WDFY3: variants seen among roughly 807,000 people sequenced by gnomAD.
The protein encoded by WDFY3 is WD repeat and FYVE domain-containing protein 3.
In WDFY3, 66 loss-of-function variants were observed where a neutral mutation model predicts 409.6. The observed-to-expected ratio is 0.16, with a 90% confidence interval of 0.13 to 0.20. The LOEUF (loss-of-function observed/expected upper bound fraction) is 0.20. Ranked by LOEUF, WDFY3 falls within the 10% of genes least tolerant of loss-of-function variation. WDFY3 has a pLI of 1.00. For synonymous variants in WDFY3, 1,521 were observed against 1,537.1 expected (o/e 0.99, Z 0.25); for missense variants, 3,031 against 4,298.1 (o/e 0.71, Z 8.24).
At chr4:84,758,809 T>C (rs1741931345) in intron 32 of WDFY3, among the ~76,000 whole-genome samples, 1 of 152,208 alleles carries the variant, frequency 6.6e-6, no homozygotes, top group Non-Finnish European at 1.5e-5. Context: ...ATTACTATTA[T>C]CATTTTTACA....
intron 33 of WDFY3, 148 bp from the exon 34 acceptor site, chr4:84,755,548 C>T (rs1741291573): frequency 1.2e-6 from 1 of 841,478 alleles, no homozygotes; most frequent in South Asian, 2.2e-5. Flanking sequence ...AACTAGTACC[C>T]TTCCATCCTA....
At position 84,787,585 on chromosome 4, in the gene WDFY3, T is replaced by C; in HGVS notation, c.3798A>G (p.Gly1266=). The C allele has an allele frequency of 6.2e-7, 1 of 1,614,106 alleles. No homozygotes were observed. Among genetic ancestry groups the C allele is most frequent in the Non-Finnish European group, 8.5e-7 (1 of 1,180,020 alleles). Residue 1266 remains glycine (G), a synonymous_variant, in exon 23 of 68, where the codon GGA becomes GGG. Coordinates refer to ENST00000295888, the MANE Select transcript of WDFY3 (RefSeq NM_014991.6). ...RQIASLVWRL[G]PTHFLEEVLP... ...AAACTTCTTCTAGAAAATGTGTGGG[T>C]CCCAGGCGCCAAACCAATGAGGCAA...
chr4:84,765,722 A>C, intron 32 of WDFY3, 88 bp downstream of exon 32: 2 of 1,118,394 alleles, frequency 1.8e-6, no homozygotes, highest in South Asian at 3.0e-5. Flanking sequence ...ATGGTGATCA[A>C]ACCGCAGAGG....
chr4:84,826,536 C>A (rs1339768745), intron 10 of WDFY3, among the ~76,000 whole-genome samples: 1 of 152,066 alleles, frequency 6.6e-6, no homozygotes, highest in Non-Finnish European at 1.5e-5. Context: ...TCAAAAGAAG[C>A]ATGTTTTGAT....
intron 1 of WDFY3, among the ~76,000 whole-genome samples, chr4:84,937,450 A>T (rs1047112986): frequency 6.6e-6 from 1 of 152,116 alleles, no homozygotes; most frequent in Non-Finnish European, 1.5e-5. Flanking sequence ...CTTTATCTAC[A>T]AAAATACTGA....
intron 30 of WDFY3, among the ~76,000 whole-genome samples, chr4:84,768,484 G>C (rs923741898): frequency 2.6e-5 from 4 of 152,088 alleles, no homozygotes; most frequent in African/African-American, 4.8e-5. Flanking sequence ...AAAATCCTAG[G>C]GCCCTAAGAA....
At chr4:84,679,993 C>A (rs541867728) in intron 64 of WDFY3, among the ~76,000 whole-genome samples, 25 of 151,276 alleles carry the variant, frequency 1.7e-4, no homozygotes, top group African/African-American at 4.9e-4. Flanking sequence ...TGGGTTCAAG[C>A]GATTCTCCTG....
intron 6 of WDFY3, among the ~76,000 whole-genome samples, chr4:84,837,428 T>C (rs1389606848): frequency 1.3e-5 from 2 of 152,290 alleles, no homozygotes; most frequent in Middle Eastern, 3.4e-3. Context: ...TCTCCTGAGA[T>C]TCACTTGCCT....
intron 4 of WDFY3, among the ~76,000 whole-genome samples, chr4:84,850,926 CTGTTTTTTTTTTTTTTTTTT>C (rs1410671005): frequency 3.7e-4 from 12 of 32,150 alleles, no homozygotes; most frequent in African/African-American, 1.3e-3. Context: ...TTTTATTTAT[CTGTTTTTTTTTTTTTTTTTT>C]TTTTTTTTTT....
At chr4:84,719,263 CTGTACTAT>C (rs1353021897) in intron 47 of WDFY3, among the ~76,000 whole-genome samples, 1 of 152,182 alleles carries the variant, frequency 6.6e-6, no homozygotes, top group Non-Finnish European at 1.5e-5. Context: ...CTGGAGACTA[CTGTACTAT>C]TGCAAAAAGC....
At chr4:84,755,630 C>G (rs1405109706) in intron 33 of WDFY3, among the ~76,000 whole-genome samples, 1 of 151,894 alleles carries the variant, frequency 6.6e-6, no homozygotes, top group African/African-American at 2.4e-5. Context: ...GCCTTAGGTA[C>G]CTATGTTAAA....
chr4:84,822,543 A>C (rs1754227257), intron 10 of WDFY3, among the ~76,000 whole-genome samples: 1 of 151,992 alleles, frequency 6.6e-6, no homozygotes, highest in Non-Finnish European at 1.5e-5. Context: ...GAGATTTAAA[A>C]AAAAATTTAG....
At chr4:84,711,783 G>A (rs929926025) in intron 51 of WDFY3, among the ~76,000 whole-genome samples, 1 of 151,854 alleles carries the variant, frequency 6.6e-6, no homozygotes, top group East Asian at 1.9e-4. Context: ...CCTGGGACGC[G>A]GAGGCTGCAG....
chr4:84,775,117 C>T lies in WDFY3; in HGVS notation c.4540G>A (p.Glu1514Lys). 1 of 1,613,178 alleles carries T rather than the reference C, an allele frequency of 6.2e-7. No homozygotes were observed. Among genetic ancestry groups the T allele is most frequent in the Non-Finnish European group, 8.5e-7 (1 of 1,179,802 alleles). Residue 1514 changes from glutamate (E) to lysine (K), a missense_variant, in exon 28 of 68, where the codon GAA (glutamate) becomes AAA (lysine). Around this residue, in one of 16 missense-constraint regions of WDFY3, gnomAD observed 342 missense variants for 463.7 expected, o/e 0.74. Transcript: ENST00000295888. The stretch of plus-strand genomic sequence containing the variant: ...TGTTCAAATAAGGAAAGATGAAGTT[C>T]ATATGGTGCATGGAGCCAGACCTAT... ...DFEVWLHAPYELHLSLFEHFI... is the reference protein window; with the variant it reads ...DFEVWLHAPYKLHLSLFEHFI...
At chr4:84,943,272 C>A (rs1029673948) in intron 1 of WDFY3, among the ~76,000 whole-genome samples, 1 of 152,040 alleles carries the variant, frequency 6.6e-6, no homozygotes, top group Admixed American at 6.6e-5. Flanking sequence ...GAGGCCGAGG[C>A]GGGCGGATCA....
intron 25 of WDFY3, 60 bp from the exon 26 acceptor site, chr4:84,780,358 T>G: frequency 6.9e-7 from 1 of 1,446,232 alleles, no homozygotes; most frequent in East Asian, 2.4e-5. Flanking sequence ...AAGAACTGTA[T>G]ACATCATCTT....
intron 1 of WDFY3, among the ~76,000 whole-genome samples, 162 bp downstream of exon 1, chr4:84,966,047 G>T (rs1000327889): frequency 1.3e-4 from 19 of 151,910 alleles, no homozygotes; most frequent in African/African-American, 4.3e-4. Flanking sequence ...CCCTGGGGAG[G>T]ACAGCAGCTG....
intron 7 of WDFY3, among the ~76,000 whole-genome samples, chr4:84,835,226 T>C (rs1383816882): frequency 6.6e-6 from 1 of 152,230 alleles, no homozygotes; most frequent in Non-Finnish European, 1.5e-5. Flanking sequence ...AAGTATAAAA[T>C]GCAGATTCCA....
chr4:84,947,603 C>T (rs967646509), intron 1 of WDFY3, among the ~76,000 whole-genome samples: 15 of 149,116 alleles, frequency 1.0e-4, no homozygotes, highest in Admixed American at 8.7e-4. Context: ...GGCGCAGTGG[C>T]TCACACGTGT....
Sources: gnomAD v4.1 joint callset for allele counts (sites outside exome capture counted in the v4.1 genomes callset) on GRCh38, gnomAD v4.1.1 for gene constraint, gnomAD v4.1.1 regional missense constraint, MANE v1.5 for transcripts, NCBI Gene and HGNC (gene_info 2026-07-23, HGNC 2026-07-21) for gene names.